The following CALN1 variants were observed in gnomAD, a reference collection of about 807,000 sequenced individuals.
CALN1 encodes calcium-binding protein 8.
Under a neutral mutation model 30.6 loss-of-function variants are expected in CALN1, and 17 were observed. The ratio of observed to expected loss-of-function variants is 0.56; its 90% CI spans 0.38 to 0.83. CALN1 has a LOEUF of 0.83. Ranked by LOEUF, CALN1 falls within the 40% of genes least tolerant of loss-of-function variation. The pLI is 0.00. For missense variants in CALN1, 291 were observed against 354.9 expected (o/e 0.82, Z 1.45); for synonymous variants, 156 against 131.4 (o/e 1.19, Z -1.28).
intron 3 of CALN1, among the ~76,000 whole-genome samples, chr7:72,173,784 T>G (rs1374887565): frequency 6.6e-6 from 1 of 152,038 alleles, no homozygotes; most frequent in Non-Finnish European, 1.5e-5. Context: ...TATGTAAAAA[T>G]GAACTCAAAA....
chr7:72,364,083 A>C (rs2129559960), intron 2 of CALN1, among the ~76,000 whole-genome samples: 1 of 152,016 alleles, frequency 6.6e-6, no homozygotes, highest in Non-Finnish European at 1.5e-5. Context: ...AAAATACTTT[A>C]CTATAATGGA....
intron 3 of CALN1, among the ~76,000 whole-genome samples, chr7:72,124,217 A>G (rs1808586423): frequency 6.6e-6 from 1 of 152,202 alleles, no homozygotes; most frequent in East Asian, 1.9e-4. Context: ...ATAGTGTGGT[A>G]AAGGTAACAC....
chr7:72,368,181 G>A (rs1585594367), intron 2 of CALN1, among the ~76,000 whole-genome samples: 1 of 150,916 alleles, frequency 6.6e-6, no homozygotes, highest in Non-Finnish European at 1.5e-5. Flanking sequence ...GTATATATGT[G>A]TATCTGTATA....
At chr7:71,963,190 T>A (rs1049163080) in intron 5 of CALN1, among the ~76,000 whole-genome samples, 2 of 152,070 alleles carry the variant, frequency 1.3e-5, no homozygotes, top group African/African-American at 2.4e-5. Flanking sequence ...TGAGACAGAG[T>A]CTTGCTCTGT....
At chr7:72,114,476 G>A (rs891495894) in intron 3 of CALN1, among the ~76,000 whole-genome samples, 1 of 151,744 alleles carries the variant, frequency 6.6e-6, no homozygotes, top group Non-Finnish European at 1.5e-5. Context: ...CAAGAGTTTG[G>A]AGACAGGTGA....
At chr7:71,817,965 T>C (rs1488438565) in intron 5 of CALN1, among the ~76,000 whole-genome samples, 2 of 152,116 alleles carry the variant, frequency 1.3e-5, no homozygotes, top group Middle Eastern at 3.2e-3. Flanking sequence ...ATTATTCTTA[T>C]AGTTCAAATA....
intron 3 of CALN1, among the ~76,000 whole-genome samples, chr7:72,249,959 A>AAAAGAG (rs1554337554): frequency 1.4e-5 from 2 of 147,668 alleles, no homozygotes; most frequent in East Asian, 2.0e-4. Flanking sequence ...AAAAAAAAAA[A>AAAAGAG]AGAGAGAGAG....
At chr7:72,439,923 AAG>A (rs1302548277) in intron 1 of CALN1, among the ~76,000 whole-genome samples, 4 of 151,996 alleles carry the variant, frequency 2.6e-5, no homozygotes, top group African/African-American at 7.3e-5. Context: ...GAGGAAGAAA[AAG>A]AGGGGTTGGT....
Position 72,385,695 on chromosome 7 carries a change from GT to G in CALN1, c.119+17555del, listed in dbSNP as rs1382472242. On this transcript the variant is annotated intron_variant, in intron 2 of 6. Coordinates refer to ENST00000395275, the MANE Select transcript of CALN1 (RefSeq NM_031468.4). ...TGGTGATGACTGGATCATGGGGGTGGTTTCCCCCCTGCTGTTCTTGTGATAG... is the reference window on the plus strand; with the variant it reads ...TGGTGATGACTGGATCATGGGGGTGGTTCCCCCCTGCTGTTCTTGTGATAG... 3.3e-5 allele frequency among the ~76,000 whole-genome samples: 5 copies of G among 152,282 alleles called. No homozygotes were observed. In the East Asian group the frequency reaches 5.8e-4, roughly 18 times the overall value.
chr7:72,307,606 G>A (rs760323397), intron 2 of CALN1, among the ~76,000 whole-genome samples: 23 of 152,328 alleles, frequency 1.5e-4, no homozygotes, highest in Non-Finnish European at 2.6e-4. Flanking sequence ...CAATGCGACT[G>A]CCTGAGAGCT....
chr7:71,820,011 G>C (rs1416407837), intron 5 of CALN1, among the ~76,000 whole-genome samples: 1 of 152,202 alleles, frequency 6.6e-6, no homozygotes, highest in African/African-American at 2.4e-5. Flanking sequence ...CTCCCTTTTG[G>C]AATTCAGGCC....
intron 3 of CALN1, among the ~76,000 whole-genome samples, chr7:72,176,857 C>A (rs6965847): frequency 0.25 from 38,510 of 151,888 alleles, 5,935 homozygotes; most frequent in Non-Finnish European, 0.35. Flanking sequence ...GTGCCAGATC[C>A]CCTTCTTTCT....
intron 2 of CALN1, among the ~76,000 whole-genome samples, chr7:72,384,798 G>GAA (rs111376276): frequency 1.5e-4 from 23 of 150,820 alleles, no homozygotes; most frequent in African/African-American, 5.6e-4. Context: ...ATCCCTGAAA[G>GAA]AAAAAAAAAT....
chr7:72,026,564 G>A (rs1400680805), intron 4 of CALN1, among the ~76,000 whole-genome samples: 7 of 151,602 alleles, frequency 4.6e-5, no homozygotes, highest in Admixed American at 1.3e-4. Context: ...CAGCCTGGGC[G>A]ACAGAGCAAG....
intron 3 of CALN1, among the ~76,000 whole-genome samples, chr7:72,211,062 T>A (rs988038719): frequency 5.3e-5 from 8 of 151,632 alleles, no homozygotes; most frequent in East Asian, 2.0e-4. Context: ...TCTAAAAAAA[T>A]AAGTAAAATG....
chr7:71,879,079 C>A (rs1792419244), intron 5 of CALN1, among the ~76,000 whole-genome samples: 1 of 152,112 alleles, frequency 6.6e-6, no homozygotes, highest in Admixed American at 6.6e-5. Context: ...GAAAAATCTG[C>A]CTGTGTTTTT....
chr7:71,922,786 AAC>A (rs1390584932), intron 5 of CALN1, among the ~76,000 whole-genome samples: 7 of 140,838 alleles, frequency 5.0e-5, no homozygotes, highest in Non-Finnish European at 9.0e-5. Context: ...ATAAATATAT[AAC>A]AGACCGAATA....
chr7:72,055,792 G>T (rs1271399339), intron 4 of CALN1, among the ~76,000 whole-genome samples: 1 of 152,106 alleles, frequency 6.6e-6, no homozygotes, highest in Non-Finnish European at 1.5e-5. Context: ...AGTGAGGATT[G>T]CTTGAGGCTA....
At chr7:71,922,732 G>GAATATATTATATAAATATATAACATACAT (rs1795026892) in intron 5 of CALN1, among the ~76,000 whole-genome samples, 1 of 116,100 alleles carries the variant, frequency 8.6e-6, no homozygotes, top group Admixed American at 9.3e-5. Context: ...ATAACATACA[G>GAATATATTATATAAATATATAACATACAT]AATATATTAT....
Sources: allele counts gnomAD v4.1 joint callset (sites outside exome capture counted in the v4.1 genomes callset), GRCh38; gene constraint gnomAD v4.1.1; transcripts MANE v1.5; gene names NCBI Gene and HGNC (gene_info 2026-07-23, HGNC 2026-07-21).